Variants in CPNE8 observed in about 807,000 individuals in gnomAD.
CPNE8 encodes copine-8.
CPNE8 carries 45 observed loss-of-function variants against 81.5 expected under a neutral mutation model. The observed-to-expected ratio is 0.55, with a 90% CI of 0.44 to 0.71. The LOEUF (loss-of-function observed/expected upper bound fraction) is 0.71. Ranked by LOEUF, CPNE8 falls within the 30% of genes least tolerant of loss-of-function variation. The pLI is 0.00. For synonymous variants in CPNE8, 252 were observed against 226.3 expected (o/e 1.11, Z -1.02); for missense variants, 594 against 672.1 (o/e 0.88, Z 1.28).
chr12:38,848,666 T>G lies in CPNE8; in HGVS notation c.187-4A>C. The G allele has an allele frequency of 1.3e-6, 2 of 1,582,908 alleles. No homozygotes were observed. The highest frequency in any genetic ancestry group is 1.7e-6 in the Non-Finnish European group (2 of 1,170,116). ...CAATTACTTCAGTTCTTCCAAACTG[T>G]GGAAAGAGAGAGAGAATTTAAAATT... On this transcript the variant is annotated splice_region_variant and splice_polypyrimidine_tract_variant and intron_variant, in intron 3 of 19. Coordinates refer to ENST00000331366, the MANE Select transcript of CPNE8 (RefSeq NM_153634.3).
At chr12:38,776,725 T>C (rs570210401) in intron 6 of CPNE8, among the ~76,000 whole-genome samples, 1 of 152,244 alleles carries the variant, frequency 6.6e-6, no homozygotes, top group African/African-American at 2.4e-5. Flanking sequence ...GTAATAGTTA[T>C]GCATCATCTA....
chr12:38,862,961 A>G (rs1157416553), intron 3 of CPNE8, among the ~76,000 whole-genome samples: 1 of 152,132 alleles, frequency 6.6e-6, no homozygotes, highest in Admixed American at 6.5e-5. Flanking sequence ...AAAAGAAATA[A>G]AAGATCAAAT....
chr12:38,893,262 C>A (rs1404933336), intron 1 of CPNE8, among the ~76,000 whole-genome samples: 1 of 152,112 alleles, frequency 6.6e-6, no homozygotes, highest in Non-Finnish European at 1.5e-5. Flanking sequence ...GAGGTTAAGG[C>A]ATTTAGTCAC....
chr12:38,707,265 ACTTGCACTG>A (rs1940131762), intron 13 of CPNE8, among the ~76,000 whole-genome samples: 1 of 152,148 alleles, frequency 6.6e-6, no homozygotes, highest in Non-Finnish European at 1.5e-5. Context: ...GGTGAGCTAT[ACTTGCACTG>A]CTGCACTCCA....
At chr12:38,882,086 A>G (rs1238911274) in intron 1 of CPNE8, among the ~76,000 whole-genome samples, 2 of 152,216 alleles carry the variant, frequency 1.3e-5, no homozygotes, top group Non-Finnish European at 2.9e-5. Context: ...AATCCCTGGA[A>G]CCTGTAAATG....
chr12:38,724,779 A>G (rs534725575), intron 12 of CPNE8, 67 bp downstream of exon 12: 1 of 1,064,238 alleles, frequency 9.4e-7, no homozygotes, highest in Non-Finnish European at 1.4e-6. Flanking sequence ...AGGATTAAAG[A>G]TGCCATCTAC....
chr12:38,696,547 T>C (rs1042513156), intron 14 of CPNE8, among the ~76,000 whole-genome samples: 2 of 152,208 alleles, frequency 1.3e-5, no homozygotes, highest in Non-Finnish European at 2.9e-5. Flanking sequence ...ACTTAACATG[T>C]ATTGACAATT....
At chr12:38,849,127 G>A (rs1008689439) in intron 3 of CPNE8, among the ~76,000 whole-genome samples, 2 of 152,082 alleles carry the variant, frequency 1.3e-5, no homozygotes, top group Non-Finnish European at 2.9e-5. Flanking sequence ...TGGGGAGAAT[G>A]CTCTGAAAAT....
At position 38,776,259 on chromosome 12, in the gene CPNE8, TG is replaced by T; in HGVS notation, c.449del (p.Ala150GlufsTer4). 1.3e-6 allele frequency: 2 copies of T among 1,554,348 alleles called. No homozygotes were observed. Among genetic ancestry groups the T allele is most frequent in the Non-Finnish European group, 8.7e-7 (1 of 1,143,200 alleles). The stretch of plus-strand genomic sequence containing the variant: ...TTACCCTGCAACAGTTTAATTCCTC[TG>T]CTGTAAGTATGATTGTACCACATTT... ...GKKCGTIILT[A>X]EELNCCRDAV... On this transcript the variant is annotated frameshift_variant, in exon 7 of 20. Coordinates refer to ENST00000331366, the MANE Select transcript of CPNE8 (RefSeq NM_153634.3). LOFTEE classifies it high-confidence loss of function.
intron 3 of CPNE8, among the ~76,000 whole-genome samples, chr12:38,850,270 A>T (rs1297760024): frequency 6.6e-6 from 1 of 152,168 alleles, no homozygotes; most frequent in Non-Finnish European, 1.5e-5. Context: ...TCTCAAAGAG[A>T]GGCTCAGCCA....
At chr12:38,790,971 A>C (rs954600113) in intron 6 of CPNE8, among the ~76,000 whole-genome samples, 2 of 151,584 alleles carry the variant, frequency 1.3e-5, no homozygotes, top group African/African-American at 4.8e-5. Flanking sequence ...TTTTGCTTCA[A>C]TTCCTGAAGT....
intron 6 of CPNE8, among the ~76,000 whole-genome samples, chr12:38,817,781 G>A (rs1342794267): frequency 6.6e-6 from 1 of 151,646 alleles, no homozygotes; most frequent in African/African-American, 2.4e-5. Flanking sequence ...CCACCGCTAC[G>A]CCCGGCTAAT....
Position 38,876,985 on chromosome 12 carries a change from G to A in CPNE8, c.99-2474C>T, listed in dbSNP as rs116210893. Among the ~76,000 whole-genome samples the A allele has an allele frequency of 5.6e-3, 852 of 152,248 alleles. 5 individuals carry two copies. Among genetic ancestry groups the A allele is most frequent in the African/African-American group, 0.019 (799 of 41,550 alleles). On this transcript the variant is annotated intron_variant, in intron 1 of 19. Coordinates refer to ENST00000331366, the MANE Select transcript of CPNE8 (RefSeq NM_153634.3). The stretch of plus-strand genomic sequence containing the variant: ...AAATAAGATAGGTATTATTGTGAAG[G>A]CCATTTCATAAATTCAGAAACTAAG...
intron 13 of CPNE8, among the ~76,000 whole-genome samples, chr12:38,705,902 A>G (rs530986626): frequency 6.6e-5 from 10 of 152,278 alleles, no homozygotes; most frequent in Admixed American, 3.3e-4. Context: ...TTTTACACAC[A>G]TAATATATAT....
intron 10 of CPNE8, among the ~76,000 whole-genome samples, chr12:38,736,491 G>T (rs1399471812): frequency 7.2e-6 from 1 of 139,806 alleles, no homozygotes; most frequent in African/African-American, 2.6e-5. Context: ...AGCCAAAATT[G>T]TATGCCTGTT....
intron 3 of CPNE8, 152 bp from the exon 4 acceptor site, chr12:38,848,814 T>C: frequency 9.2e-7 from 1 of 1,081,866 alleles, no homozygotes; most frequent in Non-Finnish European, 1.2e-6. Context: ...CTCTTATTTA[T>C]TCAGGGAAAT....
At chr12:38,805,405 G>A (rs1364070340) in intron 6 of CPNE8, among the ~76,000 whole-genome samples, 62 of 47,234 alleles carry the variant, frequency 1.3e-3, no homozygotes, top group Non-Finnish European at 2.1e-3. Context: ...GTAAACTATC[G>A]CAAGAACAAA....
At chr12:38,761,126 G>T (rs1396688263) in intron 9 of CPNE8, among the ~76,000 whole-genome samples, 1 of 152,190 alleles carries the variant, frequency 6.6e-6, no homozygotes, top group Non-Finnish European at 1.5e-5. Context: ...TACAGGGGAA[G>T]CATGTGCAGT....
intron 5 of CPNE8, among the ~76,000 whole-genome samples, chr12:38,836,072 T>A (rs563700352): frequency 4.2e-4 from 64 of 152,300 alleles, no homozygotes; most frequent in Non-Finnish European, 7.4e-4. Context: ...GCAATTTAAT[T>A]ATGCAAATGA....
Sources: gnomAD v4.1 joint callset for allele counts (sites outside exome capture counted in the v4.1 genomes callset) on GRCh38, gnomAD v4.1.1 for gene constraint, MANE v1.5 for transcripts, NCBI Gene and HGNC (gene_info 2026-07-23, HGNC 2026-07-21) for gene names.